Variants in GALNT13 observed in about 807,000 individuals in gnomAD.
GALNT13 encodes UDP-GalNAc:polypeptide N-acetylgalactosaminyltransferase 13.
A neutral mutation model predicts 64.2 loss-of-function variants in GALNT13; 28 were observed. The ratio of observed to expected loss-of-function variants is 0.44; its 90% CI spans 0.32 to 0.60. The LOEUF (loss-of-function observed/expected upper bound fraction) is 0.60, where lower values mean the gene tolerates loss of function less well. GALNT13 is among the 20% of genes least tolerant of loss of function. The probability of loss-of-function intolerance (pLI) is 0.05; values close to 1 mark genes in which losing one functional copy is unlikely to be tolerated. For missense variants in GALNT13, 577 were observed against 669.8 expected (o/e 0.86, Z 1.53); for synonymous variants, 214 against 224.6 (o/e 0.95, Z 0.42).
intron 8 of GALNT13, among the ~76,000 whole-genome samples, chr2:154,276,793 C>G (rs1439200098): frequency 6.6e-6 from 1 of 152,152 alleles, no homozygotes; most frequent in Admixed American, 6.5e-5. Context: ...TTGAGTGCTG[C>G]TGTTCTCATG....
chr2:153,161,962 T>C, the GALNT13 span, among the ~76,000 whole-genome samples: 1 of 152,128 alleles, frequency 6.6e-6, no homozygotes. Flanking sequence ...AAGTTGCTGA[T>C]TGGTTAGACA....
chr2:153,874,366 C>T (rs1686210965), intron 1 of GALNT13, among the ~76,000 whole-genome samples: 1 of 151,940 alleles, frequency 6.6e-6, no homozygotes, highest in South Asian at 2.1e-4. Flanking sequence ...GCTTTTATTT[C>T]ACCATTTCTG....
the GALNT13 span, among the ~76,000 whole-genome samples, chr2:153,448,842 C>T: frequency 2.0e-5 from 3 of 152,118 alleles, no homozygotes; most frequent in South Asian, 6.2e-4. Context: ...TATGTTGAAG[C>T]CCTAACCCTA....
At chr2:153,278,176 G>A in the GALNT13 span, among the ~76,000 whole-genome samples, 2 of 151,668 alleles carry the variant, frequency 1.3e-5, no homozygotes, top group African/African-American at 2.4e-5. Context: ...CTCGTGATCT[G>A]TCCGCCTCGG....
intron 4 of GALNT13, among the ~76,000 whole-genome samples, chr2:154,152,279 A>C (rs1307916195): frequency 6.6e-6 from 1 of 152,070 alleles, no homozygotes; most frequent in Non-Finnish European, 1.5e-5. Flanking sequence ...TCTGGCTTGT[A>C]GAGTTTCTGC....
chr2:154,034,048 A>G (rs1460590070), intron 3 of GALNT13, among the ~76,000 whole-genome samples: 1 of 152,142 alleles, frequency 6.6e-6, no homozygotes, highest in East Asian at 1.9e-4. Context: ...CTGTCATGAC[A>G]CTTTGGGAAA....
the GALNT13 span, among the ~76,000 whole-genome samples, chr2:153,649,815 C>T: frequency 1.3e-5 from 2 of 152,128 alleles, no homozygotes; most frequent in Admixed American, 6.6e-5. Flanking sequence ...TTTGATTGCA[C>T]TGTGGTCTGA....
the GALNT13 span, among the ~76,000 whole-genome samples, chr2:153,580,682 T>A: frequency 1.3e-5 from 2 of 152,122 alleles, no homozygotes; most frequent in African/African-American, 4.8e-5. Flanking sequence ...ATAAAAACTT[T>A]GAGTAAAAAA....
chr2:153,311,143 C>A, the GALNT13 span, among the ~76,000 whole-genome samples: 4 of 151,934 alleles, frequency 2.6e-5, no homozygotes, highest in Admixed American at 2.6e-4. Flanking sequence ...ATTTTAAGAG[C>A]AAAGGTAAAG....
chr2:153,933,724 T>G (rs920011614), intron 2 of GALNT13, among the ~76,000 whole-genome samples: 1 of 152,150 alleles, frequency 6.6e-6, no homozygotes, highest in Non-Finnish European at 1.5e-5. Flanking sequence ...TTTGTTTTTT[T>G]GGTGGCCAGT....
At chr2:153,164,253 A>G in the GALNT13 span, among the ~76,000 whole-genome samples, 1 of 152,214 alleles carries the variant, frequency 6.6e-6, no homozygotes, top group African/African-American at 2.4e-5. Flanking sequence ...TTCCAGAGAT[A>G]ACCACTACCA....
the GALNT13 span, among the ~76,000 whole-genome samples, chr2:153,457,273 A>C: frequency 6.6e-6 from 1 of 152,212 alleles, no homozygotes; most frequent in Non-Finnish European, 1.5e-5. Flanking sequence ...AAATACTTTT[A>C]AAATCTGTCT....
chr2:154,148,590 G>A (rs1474654541), intron 4 of GALNT13, among the ~76,000 whole-genome samples: 1 of 151,848 alleles, frequency 6.6e-6, no homozygotes, highest in Admixed American at 6.6e-5. Flanking sequence ...AGCACCTGTT[G>A]TTTCCTGACT....
chr2:153,476,595 C>T, the GALNT13 span, among the ~76,000 whole-genome samples: 1 of 152,104 alleles, frequency 6.6e-6, no homozygotes, highest in Non-Finnish European at 1.5e-5. Context: ...TAGTTCTACT[C>T]CAAATATCCT....
chr2:153,145,102 CA>C, the GALNT13 span, among the ~76,000 whole-genome samples: 1 of 151,808 alleles, frequency 6.6e-6, no homozygotes, highest in African/African-American at 2.4e-5. Context: ...AAGTGAAAGG[CA>C]TGGTTTTATT....
chr2:154,085,982 T>C (rs554829518), intron 3 of GALNT13, among the ~76,000 whole-genome samples: 1 of 151,988 alleles, frequency 6.6e-6, no homozygotes, highest in South Asian at 2.1e-4. Flanking sequence ...ATGCCATTAG[T>C]AGTATACACT....
At chr2:153,381,748 GAA>G in the GALNT13 span, among the ~76,000 whole-genome samples, 4 of 152,058 alleles carry the variant, frequency 2.6e-5, no homozygotes, top group East Asian at 7.8e-4. Context: ...AAATGTCTAA[GAA>G]TATCTGAATT....
chr2:154,291,052 C>T (rs959252142), intron 8 of GALNT13, among the ~76,000 whole-genome samples: 1 of 151,982 alleles, frequency 6.6e-6, no homozygotes, highest in African/African-American at 2.4e-5. Context: ...CAAGATCTAT[C>T]GTGAAGAGCA....
the GALNT13 span, among the ~76,000 whole-genome samples, chr2:153,162,207 T>C: frequency 2.0e-5 from 3 of 152,224 alleles, no homozygotes; most frequent in Non-Finnish European, 2.9e-5. Context: ...CATTTGAACA[T>C]GTTCAAAGAG....
Sources: gnomAD v4.1 joint callset for allele counts (sites outside exome capture counted in the v4.1 genomes callset) on GRCh38, gnomAD v4.1.1 for gene constraint, MANE v1.5 for transcripts, NCBI Gene and HGNC (gene_info 2026-07-23, HGNC 2026-07-21) for gene names.